Variants in MACROD2 observed in about 807,000 individuals in gnomAD.
The protein encoded by MACROD2 is mono-ADP ribosylhydrolase 2.
Under a neutral mutation model 70.4 loss-of-function variants are expected in MACROD2, and 36 were observed. That is an observed-to-expected ratio of 0.51 (90% CI 0.39 to 0.68). The LOEUF is 0.68. MACROD2 is among the 30% of genes least tolerant of loss of function. MACROD2 has a pLI of 0.00. For missense variants in MACROD2, 496 were observed against 538.4 expected (o/e 0.92, Z 0.78); for synonymous variants, 172 against 178.8 (o/e 0.96, Z 0.30).
intron 3 of MACROD2, among the ~76,000 whole-genome samples, chr20:14,087,524 TG>T (rs11352013): frequency 0.24 from 36,989 of 152,102 alleles, 4,692 homozygotes; most frequent in African/African-American, 0.3. Flanking sequence ...CTGCTTCTGC[TG>T]CCTGTCTAAA....
chr20:15,059,368 G>C (rs1261293394), intron 5 of MACROD2, among the ~76,000 whole-genome samples: 1 of 144,048 alleles, frequency 6.9e-6, no homozygotes, highest in Non-Finnish European at 1.5e-5. Flanking sequence ...CTGGGAGACA[G>C]AGCAAGACTT....
chr20:14,953,052 A>G (rs190642772), intron 5 of MACROD2, among the ~76,000 whole-genome samples: 103 of 152,260 alleles, frequency 6.8e-4, no homozygotes, highest in Non-Finnish European at 1.1e-3. Flanking sequence ...GGTATGTGTC[A>G]GACTTTCAGT....
intron 6 of MACROD2, among the ~76,000 whole-genome samples, chr20:15,241,201 A>T (rs1601287047): frequency 6.6e-6 from 1 of 152,372 alleles, no homozygotes; most frequent in East Asian, 1.9e-4. Flanking sequence ...TAAAGTTCTC[A>T]GTAGATTACA....
chr20:15,940,473 G>A (rs924807686), intron 12 of MACROD2, among the ~76,000 whole-genome samples: 1 of 152,162 alleles, frequency 6.6e-6, no homozygotes, highest in Non-Finnish European at 1.5e-5. Context: ...GAAATCTTCT[G>A]TGAAAGGAAG....
At chr20:14,176,126 A>G (rs1402402715) in intron 3 of MACROD2, among the ~76,000 whole-genome samples, 1 of 152,184 alleles carries the variant, frequency 6.6e-6, no homozygotes, top group African/African-American at 2.4e-5. Flanking sequence ...AAAATGTAGA[A>G]TCCAGAATGA....
chr20:14,389,684 T>C (rs2083507066), intron 3 of MACROD2, among the ~76,000 whole-genome samples: 1 of 152,214 alleles, frequency 6.6e-6, no homozygotes, highest in Non-Finnish European at 1.5e-5. Flanking sequence ...CATTTGCTTA[T>C]ATTTCTCTCA....
intron 2 of MACROD2, among the ~76,000 whole-genome samples, chr20:14,010,285 G>A (rs1480614416): frequency 2.0e-5 from 3 of 152,134 alleles, no homozygotes; most frequent in Admixed American, 6.6e-5. Context: ...TGTTTATTAA[G>A]TGGAAGTGGG....
chr20:14,491,934 A>G (rs1233325046), intron 3 of MACROD2, among the ~76,000 whole-genome samples: 1 of 152,154 alleles, frequency 6.6e-6, no homozygotes, highest in Non-Finnish European at 1.5e-5. Flanking sequence ...GTGAAATTTC[A>G]TGTGGTTTTA....
chr20:14,299,023 A>G (rs768831846), intron 3 of MACROD2, among the ~76,000 whole-genome samples: 51 of 152,204 alleles, frequency 3.4e-4, no homozygotes, highest in Non-Finnish European at 2.6e-4. Flanking sequence ...TTAAAATATT[A>G]TATAAACTTA....
At chr20:14,988,311 TAG>T (rs2074867604) in intron 5 of MACROD2, among the ~76,000 whole-genome samples, 2 of 131,588 alleles carry the variant, frequency 1.5e-5, no homozygotes. Context: ...CTACAGTGAG[TAG>T]AGATTGTGCC....
intron 15 of MACROD2, among the ~76,000 whole-genome samples, chr20:16,005,308 G>A (rs189711662): frequency 1.4e-4 from 22 of 152,248 alleles, no homozygotes; most frequent in African/African-American, 4.6e-4. Flanking sequence ...CATTTCCTCC[G>A]TTGAATTTGA....
intron 8 of MACROD2, among the ~76,000 whole-genome samples, chr20:15,750,871 A>G (rs1193313152): frequency 6.6e-6 from 1 of 151,774 alleles, no homozygotes; most frequent in African/African-American, 2.4e-5. Flanking sequence ...TGTGGAATCT[A>G]AAAAAAACAA....
intron 5 of MACROD2, among the ~76,000 whole-genome samples, chr20:15,210,646 G>A (rs563567121): frequency 1.3e-5 from 2 of 148,976 alleles, no homozygotes; most frequent in South Asian, 4.3e-4. Flanking sequence ...GTAATCCCCA[G>A]TGTTAGAGGA....
At chr20:15,516,809 A>G (rs1257812649) in intron 8 of MACROD2, among the ~76,000 whole-genome samples, 1 of 152,174 alleles carries the variant, frequency 6.6e-6, no homozygotes, top group African/African-American at 2.4e-5. Flanking sequence ...TTCTCCCATC[A>G]TGACTGTAGC....
At chr20:14,734,449 C>A (rs1354664567) in intron 5 of MACROD2, among the ~76,000 whole-genome samples, 2 of 149,534 alleles carry the variant, frequency 1.3e-5, no homozygotes, top group Admixed American at 6.7e-5. Context: ...TGCAGTGAGC[C>A]GAGATCAAAC....
chr20:15,856,620 T>C (rs1382599094), intron 8 of MACROD2, among the ~76,000 whole-genome samples: 1 of 152,216 alleles, frequency 6.6e-6, no homozygotes, highest in Non-Finnish European at 1.5e-5. Context: ...GAGCTCCTAT[T>C]ATGTGTCAGG....
chr20:14,000,961 C>A (rs1370668983), intron 1 of MACROD2, among the ~76,000 whole-genome samples: 1 of 152,158 alleles, frequency 6.6e-6, no homozygotes, highest in Non-Finnish European at 1.5e-5. Flanking sequence ...AGTATTCATA[C>A]CTCCTTTGTT....
chr20:14,902,953 T>A (rs2073914223), intron 5 of MACROD2, among the ~76,000 whole-genome samples: 1 of 151,928 alleles, frequency 6.6e-6, no homozygotes, highest in East Asian at 1.9e-4. Flanking sequence ...TATAGGTCAC[T>A]TTTTTGCTCT....
At chr20:14,447,621 T>A (rs910205571) in intron 3 of MACROD2, among the ~76,000 whole-genome samples, 3 of 151,876 alleles carry the variant, frequency 2.0e-5, no homozygotes, top group Non-Finnish European at 4.4e-5. Context: ...ATGTCTGATG[T>A]CCACCTGAGG....
Sources: gnomAD v4.1 joint callset for allele counts (sites outside exome capture counted in the v4.1 genomes callset) on GRCh38, gnomAD v4.1.1 for gene constraint, MANE v1.5 for transcripts, NCBI Gene and HGNC (gene_info 2026-07-23, HGNC 2026-07-21) for gene names.